SPON1: variants seen among roughly 807,000 people sequenced by gnomAD.
SPON1 encodes spondin 1.
A neutral mutation model predicts 111.7 loss-of-function variants in SPON1; 52 were observed. The observed-to-expected ratio is 0.47, with a 90% CI of 0.37 to 0.59. The LOEUF (loss-of-function observed/expected upper bound fraction) is 0.59. Among genes scored for constraint, SPON1 ranks in the 20% least tolerant of loss-of-function variants. SPON1 has a pLI of 0.00. For synonymous variants in SPON1, 410 were observed against 395.8 expected (o/e 1.04, Z -0.43); for missense variants, 957 against 1,068.5 (o/e 0.90, Z 1.46).
At chr11:14,251,619 A>T (rs1247645435) in intron 7 of SPON1, among the ~76,000 whole-genome samples, 1 of 152,214 alleles carries the variant, frequency 6.6e-6, no homozygotes, top group Non-Finnish European at 1.5e-5. Flanking sequence ...TCACCTACTT[A>T]GGAAGACAGG....
At chr11:14,174,291 A>G (rs782774113) in intron 6 of SPON1, among the ~76,000 whole-genome samples, 3 of 152,180 alleles carry the variant, frequency 2.0e-5, no homozygotes, top group Non-Finnish European at 4.4e-5. Context: ...GGGGATGAGG[A>G]TGTTTCCTTG....
At chr11:14,229,354 C>T (rs1554938412) in intron 6 of SPON1, among the ~76,000 whole-genome samples, 1 of 152,044 alleles carries the variant, frequency 6.6e-6, no homozygotes, top group Admixed American at 6.6e-5. Flanking sequence ...CTTGAGGGGA[C>T]AAGGGCAGGA....
At chr11:14,239,394 C>T (rs1848899702) in intron 6 of SPON1, among the ~76,000 whole-genome samples, 1 of 152,186 alleles carries the variant, frequency 6.6e-6, no homozygotes, top group Admixed American at 6.5e-5. Flanking sequence ...CCCTATTTCA[C>T]AGATGAGAAA....
intron 5 of SPON1, among the ~76,000 whole-genome samples, chr11:14,094,355 A>T (rs1554923680): frequency 6.6e-6 from 1 of 152,134 alleles, no homozygotes; most frequent in Non-Finnish European, 1.5e-5. Context: ...TTGGCCCTTG[A>T]TACATCTTGC....
intron 6 of SPON1, among the ~76,000 whole-genome samples, chr11:14,238,716 A>G (rs1217352421): frequency 6.6e-6 from 1 of 152,180 alleles, no homozygotes; most frequent in Non-Finnish European, 1.5e-5. Flanking sequence ...TGCTCTTCCC[A>G]TTTGGTACCA....
chr11:14,088,429 C>T (rs1020591412), intron 5 of SPON1, among the ~76,000 whole-genome samples: 7 of 152,124 alleles, frequency 4.6e-5, no homozygotes, highest in Admixed American at 1.3e-4. Flanking sequence ...GTTGAAAATT[C>T]GTTTCTTTAA....
intron 6 of SPON1, among the ~76,000 whole-genome samples, chr11:14,241,236 T>C (rs1299749495): frequency 6.6e-6 from 1 of 152,028 alleles, no homozygotes; most frequent in East Asian, 1.9e-4. Context: ...GATGCTAAAA[T>C]TTTCCACAAT....
At chr11:14,155,615 G>A (rs1190692735) in intron 6 of SPON1, among the ~76,000 whole-genome samples, 1 of 151,248 alleles carries the variant, frequency 6.6e-6, no homozygotes, top group African/African-American at 2.4e-5. Context: ...TCGTCCTCTA[G>A]CATTAGGTAT....
chr11:14,004,638 A>G (rs1848345246), intron 2 of SPON1, among the ~76,000 whole-genome samples: 1 of 152,128 alleles, frequency 6.6e-6, no homozygotes, highest in Non-Finnish European at 1.5e-5. Flanking sequence ...TTGTCTTTGG[A>G]AAAAATGTCT....
intron 5 of SPON1, among the ~76,000 whole-genome samples, chr11:14,118,125 T>A (rs1177026086): frequency 6.6e-6 from 1 of 152,208 alleles, no homozygotes; most frequent in South Asian, 2.1e-4. Context: ...TTTGTTATAC[T>A]CTAAAAAACA....
At chr11:14,051,408 A>G in intron 3 of SPON1, among the ~76,000 whole-genome samples, 1 of 151,926 alleles carries the variant, frequency 6.6e-6, no homozygotes, top group East Asian at 1.9e-4. Context: ...TGCTGGTGAG[A>G]GCCTATAGTC....
intron 2 of SPON1, among the ~76,000 whole-genome samples, chr11:14,027,966 T>G (rs138152893): frequency 2.6e-5 from 4 of 152,354 alleles, no homozygotes; most frequent in Non-Finnish European, 5.9e-5. Flanking sequence ...AAAACCTGTT[T>G]ATCAGTGATT....
chr11:14,035,686 C>T (rs1364745349), intron 2 of SPON1, among the ~76,000 whole-genome samples: 9 of 150,786 alleles, frequency 6.0e-5, no homozygotes, highest in African/African-American at 2.2e-4. Context: ...GGCACAATCA[C>T]AGTTCACTGT....
intron 2 of SPON1, among the ~76,000 whole-genome samples, chr11:13,984,726 TGATA>T (rs1213665814): frequency 6.6e-6 from 1 of 152,202 alleles, no homozygotes; most frequent in Non-Finnish European, 1.5e-5. Flanking sequence ...TTCAGTAAGT[TGATA>T]GTCTTCTCTG....
At chr11:14,187,863 C>A (rs573054045) in intron 6 of SPON1, among the ~76,000 whole-genome samples, 14 of 152,234 alleles carry the variant, frequency 9.2e-5, no homozygotes, top group African/African-American at 3.4e-4. Context: ...TCACCACAAC[C>A]TCCACCTTCT....
intron 5 of SPON1, among the ~76,000 whole-genome samples, chr11:14,091,696 C>T (rs1271312640): frequency 1.3e-5 from 2 of 152,134 alleles, no homozygotes; most frequent in Non-Finnish European, 2.9e-5. Flanking sequence ...CCCCGGTTCT[C>T]GCTCGCACCT....
Position 14,256,632 on chromosome 11 carries a change from A to G in SPON1, c.1249A>G (p.Ile417Val), listed in dbSNP as rs1299019198. The change falls in exon 10 of 16, where the codon ATT becomes GTT. Residue 417 changes from isoleucine to valine, a missense_variant. By Grantham distance (29) the Ile-to-Val change is conservative. Around this residue, in one of 5 missense-constraint regions of SPON1, gnomAD observed 549 missense variants for 606.2 expected, o/e 0.91. Transcript: ENST00000576479. ...CCTTTTTCAGGGTGAACAATGCAATATTGTACCTGACAATGTCGATGATAT... is the reference window on the plus strand; with the variant it reads ...CCTTTTTCAGGGTGAACAATGCAATGTTGTACCTGACAATGTCGATGATAT... ...RIARKGEQCN[I>V]VPDNVDDIVA... 7.4e-6 allele frequency: 12 copies of G among 1,613,440 alleles called. No homozygotes were observed. Among genetic ancestry groups the G allele is most frequent in the Non-Finnish European group, 1.0e-5 (12 of 1,179,622 alleles).
At chr11:14,107,470 C>T (rs950355211) in intron 5 of SPON1, among the ~76,000 whole-genome samples, 4 of 151,776 alleles carry the variant, frequency 2.6e-5, no homozygotes, top group African/African-American at 2.4e-5. Flanking sequence ...ATCTTTGGTC[C>T]GTTGACTGAA....
intron 2 of SPON1, among the ~76,000 whole-genome samples, chr11:14,031,161 G>A (rs1848555816): frequency 6.6e-6 from 1 of 152,112 alleles, no homozygotes; most frequent in South Asian, 2.1e-4. Context: ...GGATTCATAT[G>A]GACATAAAGA....
Sources: allele counts gnomAD v4.1 joint callset (sites outside exome capture counted in the v4.1 genomes callset), GRCh38; gene constraint gnomAD v4.1.1; regional missense constraint gnomAD v4.1.1; transcripts MANE v1.5; gene names NCBI Gene and HGNC (gene_info 2026-07-23, HGNC 2026-07-21).